Variants in FAM227B observed in about 807,000 individuals in gnomAD.
FAM227B encodes the protein protein FAM227B.
In FAM227B, 88 loss-of-function variants were observed where a neutral mutation model predicts 73.8. That is an observed-to-expected ratio of 1.19 (90% CI 1.00 to 1.42). The LOEUF (loss-of-function observed/expected upper bound fraction) is 1.42, where lower values mean the gene tolerates loss of function less well. FAM227B is among the 40% of genes most tolerant of loss of function. The pLI, the probability that FAM227B is intolerant of heterozygous loss-of-function variation, is 0.00. For missense variants in FAM227B, 632 were observed against 590.9 expected (o/e 1.07, Z -0.72); for synonymous variants, 210 against 190.5 (o/e 1.10, Z -0.84).
intron 11 of FAM227B, among the ~76,000 whole-genome samples, chr15:49,468,783 C>T (rs758804277): frequency 1.3e-4 from 20 of 152,152 alleles, no homozygotes; most frequent in Non-Finnish European, 2.4e-4. Flanking sequence ...CACAGCATAT[C>T]CAGTTAATGG....
intron 9 of FAM227B, among the ~76,000 whole-genome samples, chr15:49,554,151 G>A (rs893031974): frequency 6.6e-6 from 1 of 152,024 alleles, no homozygotes; most frequent in African/African-American, 2.4e-5. Flanking sequence ...ATCCTGCTGG[G>A]GTTGAGCTGG....
At chr15:49,531,852 A>G (rs550904379) in intron 10 of FAM227B, among the ~76,000 whole-genome samples, 1 of 152,094 alleles carries the variant, frequency 6.6e-6, no homozygotes, top group South Asian at 2.1e-4. Context: ...GAAGGCAAAT[A>G]TAATTTGTGG....
chr15:49,586,243 C>G lies in FAM227B; in HGVS notation c.405+1773G>C, dbSNP rs1329853085. The stretch of plus-strand genomic sequence containing the variant: ...ACTCATAAATAAGGCCACACATCTA[C>G]AACTACCTGATCTTTGATAAAGCTG... On this transcript the variant is annotated intron_variant, in intron 5 of 15. Coordinates refer to ENST00000299338, the MANE Select transcript of FAM227B (RefSeq NM_152647.3). 3.9e-5 allele frequency among the ~76,000 whole-genome samples: 6 copies of G among 152,096 alleles called. No homozygotes were observed. In the East Asian group the frequency reaches 1.2e-3, roughly 30 times the overall value.
At chr15:49,615,363 C>CATGT in intron 1 of FAM227B, 120 bp from the exon 2 acceptor site, 1 of 597,994 alleles carries the variant, frequency 1.7e-6, no homozygotes, top group Non-Finnish European at 3.0e-6. Flanking sequence ...CTCTGTATCT[C>CATGT]CACTCAAATC....
chr15:49,409,320 G>A (rs573479265), intron 11 of FAM227B, among the ~76,000 whole-genome samples: 47 of 152,144 alleles, frequency 3.1e-4, no homozygotes, highest in African/African-American at 1.1e-3. Flanking sequence ...ACCGTATGTT[G>A]AAAGTAATAG....
chr15:49,563,542 C>A (rs2074416527), intron 9 of FAM227B, among the ~76,000 whole-genome samples: 1 of 151,898 alleles, frequency 6.6e-6, no homozygotes. Flanking sequence ...AAAGCAATCC[C>A]AAGCAAAAAG....
At chr15:49,478,660 A>G (rs1036522449) in intron 11 of FAM227B, among the ~76,000 whole-genome samples, 11 of 152,140 alleles carry the variant, frequency 7.2e-5, no homozygotes, top group African/African-American at 2.7e-4. Flanking sequence ...CACTGCCTCC[A>G]CTTTTTTTCC....
chr15:49,357,609 C>T (rs2043395137), intron 13 of FAM227B, among the ~76,000 whole-genome samples: 1 of 150,202 alleles, frequency 6.7e-6, no homozygotes, highest in South Asian at 2.1e-4. Context: ...GCTTACCAAC[C>T]AAAAAGAGTC....
intron 11 of FAM227B, among the ~76,000 whole-genome samples, chr15:49,378,888 A>C (rs896203271): frequency 6.6e-6 from 1 of 151,798 alleles, no homozygotes; most frequent in Non-Finnish European, 1.5e-5. Flanking sequence ...TAGATCTTAG[A>C]GCTTTTAGTT....
At chr15:49,418,797 AAAG>A (rs1284354081) in intron 11 of FAM227B, among the ~76,000 whole-genome samples, 1 of 151,248 alleles carries the variant, frequency 6.6e-6, no homozygotes, top group African/African-American at 2.4e-5. Context: ...AAAGAAAAAA[AAAG>A]AAATATGTGT....
chr15:49,337,847 T>C (rs2040027224), intron 13 of FAM227B, among the ~76,000 whole-genome samples: 1 of 152,232 alleles, frequency 6.6e-6, no homozygotes, highest in African/African-American at 2.4e-5. Flanking sequence ...ATGTTTTTTA[T>C]GGCTGCATAG....
At chr15:49,419,891 T>C (rs1393029195) in intron 11 of FAM227B, among the ~76,000 whole-genome samples, 1 of 152,212 alleles carries the variant, frequency 6.6e-6, no homozygotes, top group African/African-American at 2.4e-5. Context: ...TTGCCACTTA[T>C]TATAGATACT....
In FAM227B at chr15:49,568,290, T is replaced by C; in HGVS notation, c.702A>G (p.Thr234=). Residue 234 remains threonine, a synonymous_variant, in exon 9 of 16, where the codon ACA becomes ACG. Transcript: ENST00000299338. ...GACTTAGAGGTATGCTCATGAAAAG[T>C]GTCACATAACTTTCTGAAATTCTAT... The part of the protein sequence containing the change: ...LFDRISESYV[T]LFMSIPLSRK... The C allele has an allele frequency of 1.9e-6, 3 of 1,611,472 alleles. No individual in the cohort carries two copies. In the South Asian group the frequency reaches 3.3e-5, roughly 18 times the overall value.
chr15:49,505,333 T>C (rs997291962), intron 11 of FAM227B, among the ~76,000 whole-genome samples: 2 of 152,184 alleles, frequency 1.3e-5, no homozygotes, highest in African/African-American at 4.8e-5. Flanking sequence ...GTAATGGTTT[T>C]ACAGATTTAT....
At chr15:49,464,196 A>T (rs1377376665) in intron 11 of FAM227B, among the ~76,000 whole-genome samples, 1 of 152,138 alleles carries the variant, frequency 6.6e-6, no homozygotes, top group African/African-American at 2.4e-5. Flanking sequence ...ATCTCCACAG[A>T]GTATGTGTAG....
chr15:49,444,283 C>T (rs1188993083), intron 11 of FAM227B, among the ~76,000 whole-genome samples: 18 of 151,558 alleles, frequency 1.2e-4, no homozygotes, highest in Non-Finnish European at 4.4e-5. Flanking sequence ...CTATTTAGCC[C>T]AGTGTTTCTT....
intron 13 of FAM227B, chr15:49,365,566 G>A (rs1028491359): frequency 2.2e-6 from 2 of 891,952 alleles, no homozygotes; most frequent in Non-Finnish European, 3.8e-6. Flanking sequence ...AGGTCCAGCT[G>A]CAAGTTTAAC....
At chr15:49,548,775 T>G (rs2072339135) in intron 9 of FAM227B, among the ~76,000 whole-genome samples, 1 of 152,166 alleles carries the variant, frequency 6.6e-6, no homozygotes, top group Non-Finnish European at 1.5e-5. Flanking sequence ...AATCTGTCAA[T>G]TTCCTCTAGA....
chr15:49,396,225 A>G (rs1382251086), intron 11 of FAM227B: 3 of 353,360 alleles, frequency 8.5e-6, no homozygotes, highest in Non-Finnish European at 1.7e-5. Flanking sequence ...GAGTCAAAGA[A>G]AGGGGTGACG....
Sources: allele counts gnomAD v4.1 joint callset (sites outside exome capture counted in the v4.1 genomes callset), GRCh38; gene constraint gnomAD v4.1.1; transcripts MANE v1.5; gene names NCBI Gene and HGNC (gene_info 2026-07-23, HGNC 2026-07-21).